The following ERBB4 variants were observed in gnomAD, a reference collection of about 807,000 sequenced individuals.
The protein encoded by ERBB4 is receptor tyrosine-protein kinase erbB-4.
Under a neutral mutation model 158.0 loss-of-function variants are expected in ERBB4, and 42 were observed. The observed-to-expected ratio is 0.27, with a 90% CI of 0.21 to 0.34. The LOEUF (loss-of-function observed/expected upper bound fraction) is 0.34, where lower values mean the gene tolerates loss of function less well. ERBB4 is among the 10% of genes least tolerant of loss of function. ERBB4 has a pLI of 1.00. For missense variants in ERBB4, 1,333 were observed against 1,624.1 expected (o/e 0.82, Z 3.08); for synonymous variants, 583 against 558.7 (o/e 1.04, Z -0.61).
intron 1 of ERBB4, among the ~76,000 whole-genome samples, chr2:212,263,129 T>C (rs967507464): frequency 1.3e-5 from 2 of 152,132 alleles, no homozygotes; most frequent in Non-Finnish European, 2.9e-5. Flanking sequence ...GAGGTTTCAA[T>C]GGTGTGTCTA....
intron 3 of ERBB4, among the ~76,000 whole-genome samples, chr2:211,929,886 T>C (rs570018180): frequency 6.6e-6 from 1 of 152,190 alleles, no homozygotes; most frequent in African/African-American, 2.4e-5. Flanking sequence ...AAAAACAACA[T>C]GTGTATACAC....
At chr2:211,776,146 G>A (rs893009688) in intron 4 of ERBB4, among the ~76,000 whole-genome samples, 4 of 152,146 alleles carry the variant, frequency 2.6e-5, no homozygotes, top group Non-Finnish European at 5.9e-5. Flanking sequence ...CTTAGCTATT[G>A]TGTCTTCAGG....
At chr2:211,948,125 A>G (rs1012873029) in intron 2 of ERBB4, among the ~76,000 whole-genome samples, 2 of 152,114 alleles carry the variant, frequency 1.3e-5, no homozygotes, top group Non-Finnish European at 2.9e-5. Context: ...ACACAAACAT[A>G]AAAAACATGT....
intron 2 of ERBB4, among the ~76,000 whole-genome samples, chr2:211,984,853 G>A (rs1165161249): frequency 6.6e-6 from 1 of 151,842 alleles, no homozygotes; most frequent in African/African-American, 2.4e-5. Flanking sequence ...CTCCCAAGTA[G>A]CTGGAATTAC....
chr2:212,461,131 C>T (rs1574963432), intron 1 of ERBB4, among the ~76,000 whole-genome samples: 1 of 152,142 alleles, frequency 6.6e-6, no homozygotes, highest in South Asian at 2.1e-4. Context: ...GGGTGGGAAC[C>T]CCCCCTCCAC....
At chr2:212,412,310 T>G (rs558609609) in intron 1 of ERBB4, among the ~76,000 whole-genome samples, 112 of 152,264 alleles carry the variant, frequency 7.4e-4, no homozygotes, top group African/African-American at 2.6e-3. Flanking sequence ...GTGTTGGAGG[T>G]GGGGCCTGAT....
At chr2:211,961,527 A>C (rs2081179566) in intron 2 of ERBB4, among the ~76,000 whole-genome samples, 1 of 152,144 alleles carries the variant, frequency 6.6e-6, no homozygotes, top group Admixed American at 6.6e-5. Context: ...TCTTCTTCTA[A>C]CACAAGTGAC....
chr2:212,520,520 C>G (rs1692096522), intron 1 of ERBB4, among the ~76,000 whole-genome samples: 1 of 151,884 alleles, frequency 6.6e-6, no homozygotes, highest in Non-Finnish European at 1.5e-5. Context: ...CCCCACTGCC[C>G]ATATTGTTCT....
At chr2:211,679,790 C>T (rs754912256) in intron 12 of ERBB4, among the ~76,000 whole-genome samples, 34 of 151,804 alleles carry the variant, frequency 2.2e-4, no homozygotes, top group Non-Finnish European at 3.8e-4. Context: ...AGCAATTCTC[C>T]TGCCTCAGCC....
chr2:211,917,760 C>T (rs1328136473), intron 3 of ERBB4, among the ~76,000 whole-genome samples: 1 of 152,162 alleles, frequency 6.6e-6, no homozygotes, highest in Non-Finnish European at 1.5e-5. Flanking sequence ...CTACTTGAGT[C>T]AGATTCTGGA....
chr2:211,638,210 G>A (rs531643485), intron 16 of ERBB4, among the ~76,000 whole-genome samples: 1 of 151,512 alleles, frequency 6.6e-6, no homozygotes, highest in East Asian at 1.9e-4. Context: ...AGGTAAAGAC[G>A]AGCAGTATCT....
intron 1 of ERBB4, among the ~76,000 whole-genome samples, chr2:212,159,987 C>A (rs1368687751): frequency 1.3e-5 from 2 of 151,960 alleles, no homozygotes; most frequent in Non-Finnish European, 2.9e-5. Flanking sequence ...ACTTGGCCTC[C>A]TTTCTTTACA....
chr2:211,820,862 A>G (rs2105941295), intron 3 of ERBB4, among the ~76,000 whole-genome samples: 1 of 151,938 alleles, frequency 6.6e-6, no homozygotes, highest in African/African-American at 2.4e-5. Flanking sequence ...ATGGATGCAG[A>G]AAATCAGGAT....
At chr2:212,049,161 T>C (rs1227358940) in intron 2 of ERBB4, among the ~76,000 whole-genome samples, 2 of 152,248 alleles carry the variant, frequency 1.3e-5, no homozygotes, top group African/African-American at 4.8e-5. Context: ...AAGTTTCGTT[T>C]ATAAATCTTT....
intron 9 of ERBB4, among the ~76,000 whole-genome samples, chr2:211,705,969 C>A (rs575626403): frequency 1.9e-4 from 29 of 152,212 alleles, no homozygotes; most frequent in African/African-American, 7.0e-4. Flanking sequence ...CATCTTGTTC[C>A]TATCTAGCTT....
intron 20 of ERBB4, among the ~76,000 whole-genome samples, chr2:211,458,353 G>C (rs1196756748): frequency 6.6e-6 from 1 of 151,428 alleles, no homozygotes; most frequent in South Asian, 2.1e-4. Flanking sequence ...TGCAACCTCC[G>C]CCTCCCGGGT....
At chr2:212,177,959 AGTGT>A (rs5838302) in intron 1 of ERBB4, among the ~76,000 whole-genome samples, 9,083 of 149,266 alleles carry the variant, frequency 0.061, 396 homozygotes, top group Middle Eastern at 0.18. Flanking sequence ...TGTGAGTGTG[AGTGT>A]GTGTGTGTGT....
In ERBB4 at chr2:211,975,780, T is replaced by A. The variant is rs73081346; in HGVS notation, c.235-28164A>T. Among the ~76,000 whole-genome samples the A allele has an allele frequency of 4.5e-3, 684 of 152,260 alleles. 6 individuals carry two copies. Among genetic ancestry groups the A allele is most frequent in the African/African-American group, 0.016 (644 of 41,546 alleles). On this transcript the variant is annotated intron_variant, in intron 2 of 27. Coordinates refer to ENST00000342788, the MANE Select transcript of ERBB4 (RefSeq NM_005235.3). ...ATTCACAGGAAAAACATCTTATAAA[T>A]GCCAATGAATTTATTATCAGTACAC... is the stretch of plus-strand genomic sequence containing the variant.
At chr2:211,561,023 A>C (rs1232282926) in intron 20 of ERBB4, among the ~76,000 whole-genome samples, 1 of 152,210 alleles carries the variant, frequency 6.6e-6, no homozygotes, top group East Asian at 1.9e-4. Context: ...GATGTAACTA[A>C]GAGTTGACAT....
Sources: allele counts gnomAD v4.1 joint callset (sites outside exome capture counted in the v4.1 genomes callset), GRCh38; gene constraint gnomAD v4.1.1; transcripts MANE v1.5; gene names NCBI Gene and HGNC (gene_info 2026-07-23, HGNC 2026-07-21).